VWA8: variants seen among roughly 807,000 people sequenced by gnomAD.
VWA8 encodes von Willebrand factor A domain containing 8, also known as von Willebrand factor A domain-containing protein 8.
A neutral mutation model predicts 241.5 loss-of-function variants in VWA8; 221 were observed. That is an observed-to-expected ratio of 0.91 (90% CI 0.82 to 1.02). VWA8 has a LOEUF of 1.02. Among genes scored for constraint, VWA8 ranks in the 50% least tolerant of loss-of-function variants. The probability of loss-of-function intolerance (pLI) is 0.00; values close to 1 mark genes in which losing one functional copy is unlikely to be tolerated. For missense variants in VWA8, 2,322 were observed against 2,328.7 expected (o/e 1.00, Z 0.06); for synonymous variants, 852 against 827.1 (o/e 1.03, Z -0.52).
At chr13:41,924,349 AC>A (rs1264556107) in intron 2 of VWA8, among the ~76,000 whole-genome samples, 1 of 149,664 alleles carries the variant, frequency 6.7e-6, no homozygotes, top group Non-Finnish European at 1.5e-5. Context: ...TTCTGAAATT[AC>A]CCAGTCAAAA....
At chr13:41,891,748 T>C (rs932011902) in intron 4 of VWA8, among the ~76,000 whole-genome samples, 161 bp from the exon 5 acceptor site, 2 of 152,204 alleles carry the variant, frequency 1.3e-5, no homozygotes, top group African/African-American at 4.8e-5. Context: ...GCCTATATGA[T>C]CTTAGGAAAG....
At chr13:41,709,769 C>CTTTTTTTT (rs36103013) in intron 26 of VWA8, among the ~76,000 whole-genome samples, 1 of 146,878 alleles carries the variant, frequency 6.8e-6, no homozygotes. Flanking sequence ...CTGTCTCTCT[C>CTTTTTTTT]TCTTTTTTTT....
rs756193785 is a variant in VWA8 at position 41,699,152 on chromosome 13, GGC to G, written c.3481_3482del (p.Ala1161GlnfsTer25). 21 of 1,613,988 alleles carry G rather than the reference GGC, an allele frequency of 1.3e-5. No individual in the cohort carries two copies. Among genetic ancestry groups the G allele is most frequent in the Non-Finnish European group, 1.7e-5 (20 of 1,180,004 alleles). On this transcript the variant is annotated frameshift_variant, in exon 29 of 45. Coordinates refer to ENST00000379310, the MANE Select transcript of VWA8 (RefSeq NM_015058.2). LOFTEE classifies it high-confidence loss of function. Reference protein sequence around the residue: ...VDFFDIFPRTANGVWHPFVTV... With the variant: ...VDFFDIFPRTXNGVWHPFVTV... ...TCACAAAAGGGTGCCAAACGCCATT[GGC>G]TGTTCTTGGGAAGATATCAAAAAAG...
intron 37 of VWA8, among the ~76,000 whole-genome samples, chr13:41,636,682 T>G (rs2044759415): frequency 6.6e-6 from 1 of 152,132 alleles, no homozygotes; most frequent in African/African-American, 2.4e-5. Context: ...GACAAAGGGC[T>G]AATATCCAGA....
chr13:41,950,970 A>G (rs1319418388), intron 1 of VWA8, among the ~76,000 whole-genome samples: 1 of 151,736 alleles, frequency 6.6e-6, no homozygotes, highest in Non-Finnish European at 1.5e-5. Context: ...CACCCAGCCC[A>G]TAGAGTGTTA....
intron 34 of VWA8, among the ~76,000 whole-genome samples, chr13:41,687,165 A>G (rs912722169): frequency 6.6e-6 from 1 of 152,130 alleles, no homozygotes; most frequent in South Asian, 2.1e-4. Flanking sequence ...TTCTCTTAAC[A>G]GTGTCTTTTA....
intron 14 of VWA8, among the ~76,000 whole-genome samples, chr13:41,825,711 G>A (rs1037604644): frequency 6.6e-6 from 1 of 152,070 alleles, no homozygotes; most frequent in Non-Finnish European, 1.5e-5. Context: ...TAAAAGCTGA[G>A]TTTCTTTAAA....
At chr13:41,716,524 T>A (rs903242248) in intron 26 of VWA8, among the ~76,000 whole-genome samples, 3 of 152,068 alleles carry the variant, frequency 2.0e-5, no homozygotes, top group Non-Finnish European at 4.4e-5. Context: ...ACACAAATAG[T>A]GGTTTAGCAT....
chr13:41,664,856 T>A (rs1490164373), intron 37 of VWA8, among the ~76,000 whole-genome samples: 5 of 152,194 alleles, frequency 3.3e-5, no homozygotes, highest in African/African-American at 1.2e-4. Flanking sequence ...TCTACTGTTC[T>A]CAGGACTCAG....
chr13:41,883,262 A>T, intron 9 of VWA8, 125 bp downstream of exon 9: 1 of 671,818 alleles, frequency 1.5e-6, no homozygotes, highest in South Asian at 1.9e-5. Flanking sequence ...GGGAAGGGAA[A>T]GGAAAGAAAT....
chr13:41,757,533 C>A (rs1051760261), intron 21 of VWA8, among the ~76,000 whole-genome samples: 5 of 149,928 alleles, frequency 3.3e-5, no homozygotes, highest in African/African-American at 1.2e-4. Context: ...TATGACTGAT[C>A]CTGCCATCTA....
chr13:41,758,109 T>C (rs1339907963), intron 21 of VWA8, among the ~76,000 whole-genome samples: 1 of 150,972 alleles, frequency 6.6e-6, no homozygotes, highest in Non-Finnish European at 1.5e-5. Flanking sequence ...TAGATGAAGA[T>C]AAGGGGAAGA....
intron 3 of VWA8, 37 bp downstream of exon 3, chr13:41,911,996 AAAGTT>A: frequency 6.9e-7 from 1 of 1,456,182 alleles, no homozygotes; most frequent in Middle Eastern, 1.8e-4. Flanking sequence ...CATAGCTTAC[AAAGTT>A]AAGACCCTTA....
intron 37 of VWA8, among the ~76,000 whole-genome samples, chr13:41,665,244 T>C (rs2044978468): frequency 6.6e-6 from 1 of 152,150 alleles, no homozygotes; most frequent in Admixed American, 6.5e-5. Flanking sequence ...CTATTTTTTA[T>C]TGTTTACTGA....
At chr13:41,799,351 C>T (rs1440750875) in intron 17 of VWA8, among the ~76,000 whole-genome samples, 1 of 152,160 alleles carries the variant, frequency 6.6e-6, no homozygotes, top group Non-Finnish European at 1.5e-5. Flanking sequence ...TTCATGTTAA[C>T]TTAGTACTTT....
intron 2 of VWA8, among the ~76,000 whole-genome samples, chr13:41,948,389 A>C (rs906544957): frequency 6.6e-6 from 1 of 152,174 alleles, no homozygotes; most frequent in Non-Finnish European, 1.5e-5. Context: ...ATGGGAAATA[A>C]CTATTAATGA....
In VWA8 at chr13:41,727,258, C is replaced by A. The variant is rs867947238; in HGVS notation, c.2694G>T (p.Arg898Ser). 1 of 1,557,322 alleles carries A rather than the reference C, an allele frequency of 6.4e-7. No homozygotes were observed. The highest frequency in any genetic ancestry group is 2.4e-5 in the East Asian group (1 of 41,702). Residue 898 changes from arginine (R) to serine (S), a missense_variant, in exon 24 of 45, where the codon AGG becomes AGT. Physicochemically the swap from Arg to Ser is moderately radical, Grantham distance 110. Transcript: ENST00000379310. ...ENVVVIHPDF[R>S]MIVLANRPGF... ...CAGGTCTATTTGCCAGAACAATCAT[C>A]CTAAAATCAGGATGAATCACTACAA...
At chr13:41,661,014 T>C (rs2044946530) in intron 37 of VWA8, among the ~76,000 whole-genome samples, 1 of 151,960 alleles carries the variant, frequency 6.6e-6, no homozygotes, top group African/African-American at 2.4e-5. Context: ...TACAGGCGCA[T>C]GCCACCACAC....
At chr13:41,858,042 T>C (rs1352245774) in intron 12 of VWA8, among the ~76,000 whole-genome samples, 1 of 152,160 alleles carries the variant, frequency 6.6e-6, no homozygotes, top group Non-Finnish European at 1.5e-5. Flanking sequence ...TTGGCTCTAT[T>C]GGTTCTCAGC....
Sources: allele counts gnomAD v4.1 joint callset (sites outside exome capture counted in the v4.1 genomes callset), GRCh38; gene constraint gnomAD v4.1.1; transcripts MANE v1.5; gene names NCBI Gene and HGNC (gene_info 2026-07-23, HGNC 2026-07-21).